Variants in MEGF11 observed in about 807,000 individuals in gnomAD.
MEGF11 encodes the protein multiple epidermal growth factor-like domains protein 11.
Under a neutral mutation model 146.6 loss-of-function variants are expected in MEGF11, and 126 were observed. The ratio of observed to expected loss-of-function variants is 0.86; its 90% confidence interval spans 0.74 to 1.00. MEGF11 has a LOEUF of 1.00. Ranked by LOEUF, MEGF11 falls within the 50% of genes least tolerant of loss-of-function variation. The probability of loss-of-function intolerance (pLI) is 0.00; values close to 1 mark genes in which losing one functional copy is unlikely to be tolerated. For synonymous variants in MEGF11, 532 were observed against 583.4 expected (o/e 0.91, Z 1.27); for missense variants, 1,509 against 1,521.2 (o/e 0.99, Z 0.13).
At chr15:66,082,425 TAAAAAAAAAAAAAAAAAAAAAAAAAAAA>T (rs796328490) in intron 5 of MEGF11, among the ~76,000 whole-genome samples, 2 of 15,668 alleles carry the variant, frequency 1.3e-4, no homozygotes, top group South Asian at 6.0e-3. Context: ...CCATCTCTAC[TAAAAAAAAAAAAAAAAAAAAAAAAAAAA>T]AAAAAAAAAA....
At chr15:65,960,700 C>A (rs1380751819) in intron 9 of MEGF11, among the ~76,000 whole-genome samples, 1 of 152,232 alleles carries the variant, frequency 6.6e-6, no homozygotes, top group African/African-American at 2.4e-5. Flanking sequence ...TCAATAGATG[C>A]TTCTGCTGTC....
At chr15:65,943,774 C>T (rs78576387) in intron 10 of MEGF11, among the ~76,000 whole-genome samples, 9,995 of 152,142 alleles carry the variant, frequency 0.066, 391 homozygotes, top group Middle Eastern at 0.11. Context: ...GAAGCCCCAA[C>T]GGTGATTTGA....
rs141070532 is a variant in MEGF11 at position 66,158,097 on chromosome 15, A to C, written c.-8-29686T>G. On this transcript the variant is annotated intron_variant, in intron 1 of 25. Transcript: ENST00000395614. ...GCGTGAATGACTTGCAAATGGGCTG[A>C]AAATGTATGTGGCTGCAGATTCCCA... is the stretch of plus-strand genomic sequence containing the variant. Among the ~76,000 whole-genome samples the C allele has an allele frequency of 3.7e-3, 571 of 152,346 alleles. 4 individuals are homozygous for C. The highest frequency in any genetic ancestry group is 0.013 in the African/African-American group (539 of 41,586).
intron 1 of MEGF11, among the ~76,000 whole-genome samples, chr15:66,170,678 T>C (rs2090225706): frequency 6.6e-6 from 1 of 152,178 alleles, no homozygotes; most frequent in Non-Finnish European, 1.5e-5. Context: ...TCGTCATCCC[T>C]CATAGAATGG....
intron 5 of MEGF11, among the ~76,000 whole-genome samples, chr15:66,078,431 C>T (rs931246825): frequency 5.3e-5 from 8 of 152,350 alleles, no homozygotes; most frequent in African/African-American, 1.9e-4. Flanking sequence ...TCTCTAACCC[C>T]ACCTTATGGG....
At chr15:66,094,861 C>A (rs555914895) in intron 4 of MEGF11, among the ~76,000 whole-genome samples, 15 of 152,306 alleles carry the variant, frequency 9.8e-5, no homozygotes, top group African/African-American at 3.1e-4. Context: ...AGGAAATGAT[C>A]TGTCCCTTGT....
chr15:66,020,428 G>T (rs2083070858), intron 5 of MEGF11, among the ~76,000 whole-genome samples: 1 of 152,200 alleles, frequency 6.6e-6, no homozygotes, highest in Admixed American at 6.5e-5. Context: ...CCCTGGTGTG[G>T]CTGGGCCTGA....
Position 65,916,160 on chromosome 15 carries a change from G to GT in MEGF11, c.2331dup (p.His778ThrfsTer3). The GT allele has an allele frequency of 6.3e-7, 1 of 1,590,256 alleles. No homozygotes were observed. Among genetic ancestry groups the GT allele is most frequent in the Non-Finnish European group, 8.6e-7 (1 of 1,167,960 alleles). ...CAGGGCAGCTTACTCTGCTCACAGT[G>GT]TTGCCCGGTGAAGCCTGTGCGGCAG... On this transcript the variant is annotated frameshift_variant, in exon 18 of 26. Coordinates refer to ENST00000395614, the MANE Select transcript of MEGF11 (RefSeq NM_001385028.1). LOFTEE classifies it high-confidence loss of function.
At chr15:66,056,651 C>T (rs1203003104) in intron 5 of MEGF11, among the ~76,000 whole-genome samples, 1 of 152,166 alleles carries the variant, frequency 6.6e-6, no homozygotes, top group East Asian at 1.9e-4. Context: ...GCACCAATAA[C>T]ATAGAAAGGT....
At chr15:66,220,189 C>T (rs1247927825) in intron 1 of MEGF11, among the ~76,000 whole-genome samples, 3 of 152,106 alleles carry the variant, frequency 2.0e-5, no homozygotes, top group Non-Finnish European at 2.9e-5. Flanking sequence ...ACCTTGATTT[C>T]ACACTTCTAA....
chr15:66,140,877 C>T (rs1014477553), intron 1 of MEGF11, among the ~76,000 whole-genome samples: 8 of 152,112 alleles, frequency 5.3e-5, no homozygotes, highest in East Asian at 1.9e-4. Flanking sequence ...ATGCCATATT[C>T]GGGGACTTGC....
At chr15:66,146,977 G>A (rs181263227) in intron 1 of MEGF11, among the ~76,000 whole-genome samples, 3 of 152,292 alleles carry the variant, frequency 2.0e-5, no homozygotes, top group Non-Finnish European at 2.9e-5. Context: ...TACCACTCCT[G>A]AAGCCATTCT....
At chr15:66,035,196 A>C (rs1364733150) in intron 5 of MEGF11, among the ~76,000 whole-genome samples, 1 of 152,190 alleles carries the variant, frequency 6.6e-6, no homozygotes, top group Non-Finnish European at 1.5e-5. Context: ...ACACAGAGTA[A>C]GAACTTCATA....
chr15:66,021,132 G>A (rs2083111275), intron 5 of MEGF11, among the ~76,000 whole-genome samples: 1 of 152,194 alleles, frequency 6.6e-6, no homozygotes, highest in African/African-American at 2.4e-5. Context: ...CCTCTCTTGG[G>A]GAGGTGATGC....
intron 1 of MEGF11, among the ~76,000 whole-genome samples, chr15:66,239,548 C>G (rs2092165603): frequency 6.6e-6 from 1 of 152,202 alleles, no homozygotes; most frequent in Non-Finnish European, 1.5e-5. Context: ...CCACCTGCCT[C>G]CCAGACCATC....
At chr15:66,062,876 G>A (rs2084962829) in intron 5 of MEGF11, among the ~76,000 whole-genome samples, 3 of 152,228 alleles carry the variant, frequency 2.0e-5, no homozygotes, top group Admixed American at 2.0e-4. Context: ...GTGCAAGGGA[G>A]CAATTATAGG....
chr15:65,989,513 G>A (rs891161943), intron 5 of MEGF11, among the ~76,000 whole-genome samples: 1 of 152,222 alleles, frequency 6.6e-6, no homozygotes, highest in Non-Finnish European at 1.5e-5. Context: ...AGTTTACAAA[G>A]CAGTAGGCAG....
In MEGF11 at chr15:66,062,572, G is replaced by A. The variant is rs118145988; in HGVS notation, c.394+31830C>T. On this transcript the variant is annotated intron_variant, in intron 5 of 25. Transcript: ENST00000395614. Reference sequence around the variant, plus strand: ...TCTTCCCCAGTCAATCCTCTGATGAGACTGCAGCCCACCGACACCTTGGTT... The same window carrying A: ...TCTTCCCCAGTCAATCCTCTGATGAAACTGCAGCCCACCGACACCTTGGTT... 2.3e-3 allele frequency among the ~76,000 whole-genome samples: 349 copies of A among 152,282 alleles called. 2 individuals carry two copies. Among genetic ancestry groups the A allele is most frequent in the Non-Finnish European group, 3.8e-3 (256 of 68,028 alleles).
intron 1 of MEGF11, among the ~76,000 whole-genome samples, chr15:66,131,796 T>C (rs1320644606): frequency 6.6e-6 from 1 of 152,206 alleles, no homozygotes. Flanking sequence ...AGACCCAAAA[T>C]AAAGAGACCA....
Sources: allele counts gnomAD v4.1 joint callset (sites outside exome capture counted in the v4.1 genomes callset), GRCh38; gene constraint gnomAD v4.1.1; transcripts MANE v1.5; gene names NCBI Gene and HGNC (gene_info 2026-07-23, HGNC 2026-07-21).